The following CTIF variants were observed in gnomAD, a reference collection of about 807,000 sequenced individuals.
The protein encoded by CTIF is CBP80/20-dependent translation initiation factor.
In CTIF, 21 loss-of-function variants were observed where a neutral mutation model predicts 66.0. That is an observed-to-expected ratio of 0.32 (90% CI 0.23 to 0.46). CTIF has a LOEUF of 0.46. CTIF is among the 20% of genes least tolerant of loss of function. The probability of loss-of-function intolerance (pLI) is 1.00; values close to 1 mark genes in which losing one functional copy is unlikely to be tolerated. For synonymous variants in CTIF, 345 were observed against 326.4 expected (o/e 1.06, Z -0.62); for missense variants, 739 against 812.7 (o/e 0.91, Z 1.10).
At chr18:48,561,748 A>G (rs958322916) in intron 1 of CTIF, among the ~76,000 whole-genome samples, 11 of 152,152 alleles carry the variant, frequency 7.2e-5, no homozygotes, top group African/African-American at 2.7e-4. Context: ...TTCCTGGGGC[A>G]CTTGATTTTA....
intron 1 of CTIF, among the ~76,000 whole-genome samples, chr18:48,545,241 C>A (rs1017716326): frequency 3.3e-5 from 5 of 152,152 alleles, no homozygotes; most frequent in South Asian, 2.1e-4. Context: ...AGTGGAGGAG[C>A]TTTGTAAGCC....
At chr18:48,817,006 A>C (rs746397531) in intron 9 of CTIF, among the ~76,000 whole-genome samples, 1 of 152,084 alleles carries the variant, frequency 6.6e-6, no homozygotes, top group African/African-American at 2.4e-5. Flanking sequence ...TGTGTCCCCA[A>C]CCTGGGGACA....
intron 3 of CTIF, chr18:48,662,027 T>G (rs1037009796): frequency 6.6e-6 from 1 of 151,984 alleles, no homozygotes; most frequent in Non-Finnish European, 1.5e-5. Flanking sequence ...CTACAGGAAA[T>G]AGAAGTGAGA....
chr18:48,603,377 G>A (rs1237552056), intron 1 of CTIF, among the ~76,000 whole-genome samples: 1 of 149,550 alleles, frequency 6.7e-6, no homozygotes, highest in African/African-American at 2.5e-5. Flanking sequence ...GTAGATGGAT[G>A]GATGGATGGA....
intron 9 of CTIF, among the ~76,000 whole-genome samples, chr18:48,805,390 G>A (rs1321897405): frequency 6.8e-6 from 1 of 147,588 alleles, no homozygotes; most frequent in Non-Finnish European, 1.5e-5. Flanking sequence ...AGGAGTGAGG[G>A]GGCTTCACTG....
chr18:48,812,716 T>G (rs1256456601), intron 9 of CTIF, among the ~76,000 whole-genome samples: 1 of 144,944 alleles, frequency 6.9e-6, no homozygotes, highest in Non-Finnish European at 1.5e-5. Context: ...ATCGCACCAC[T>G]GCACTGCAGC....
chr18:48,830,026 A>G (rs1022442969), intron 10 of CTIF, among the ~76,000 whole-genome samples: 1 of 152,168 alleles, frequency 6.6e-6, no homozygotes, highest in Non-Finnish European at 1.5e-5. Context: ...GCCTTTTGAG[A>G]AAGAACCTCC....
intron 9 of CTIF, among the ~76,000 whole-genome samples, chr18:48,778,181 A>T (rs1328264308): frequency 6.6e-6 from 1 of 152,186 alleles, no homozygotes; most frequent in East Asian, 1.9e-4. Flanking sequence ...TGTGCACAGC[A>T]TGGGAGCCTG....
chr18:48,723,026 G>T (rs1365703482), intron 7 of CTIF, among the ~76,000 whole-genome samples: 3 of 152,228 alleles, frequency 2.0e-5, no homozygotes, highest in Admixed American at 1.3e-4. Context: ...ACCTTAGGAA[G>T]GAGATGCTAT....
chr18:48,696,858 G>A (rs1023349173), intron 6 of CTIF, among the ~76,000 whole-genome samples: 5 of 152,242 alleles, frequency 3.3e-5, no homozygotes, highest in African/African-American at 9.6e-5. Context: ...TAAGTAGTGG[G>A]CCTAAGCATC....
chr18:48,831,740 T>C (rs573482990), intron 10 of CTIF, among the ~76,000 whole-genome samples: 1 of 152,262 alleles, frequency 6.6e-6, no homozygotes, highest in Non-Finnish European at 1.5e-5. Context: ...AAATTAATTT[T>C]ATGCTGTCTA....
intron 1 of CTIF, among the ~76,000 whole-genome samples, chr18:48,564,307 A>T (rs1014759324): frequency 1.2e-4 from 19 of 152,060 alleles, no homozygotes; most frequent in African/African-American, 4.6e-4. Flanking sequence ...TGGGTGGTGG[A>T]GGGAGCTTCC....
At chr18:48,777,865 A>T (rs1173446711) in intron 9 of CTIF, among the ~76,000 whole-genome samples, 1 of 152,214 alleles carries the variant, frequency 6.6e-6, no homozygotes, top group Non-Finnish European at 1.5e-5. Context: ...CCGCAGCCTC[A>T]TCTGGCCTCA....
At chr18:48,626,715 G>A (rs1201099595) in intron 2 of CTIF, among the ~76,000 whole-genome samples, 5 of 145,596 alleles carry the variant, frequency 3.4e-5, no homozygotes, top group African/African-American at 1.3e-4. Context: ...GAGTGCAATG[G>A]TGTGATCTTG....
At chr18:48,854,336 T>C (rs2069277298) in intron 10 of CTIF, among the ~76,000 whole-genome samples, 1 of 152,080 alleles carries the variant, frequency 6.6e-6, no homozygotes, top group African/African-American at 2.4e-5. Flanking sequence ...GCCCCAAAGA[T>C]ACAAAGTCAT....
chr18:48,599,579 G>A (rs924500374), intron 1 of CTIF, among the ~76,000 whole-genome samples: 5 of 151,778 alleles, frequency 3.3e-5, no homozygotes, highest in African/African-American at 1.2e-4. Context: ...ACAGCCCTTC[G>A]TAAACAATTC....
chr18:48,673,083 G>A (rs1036138679), intron 6 of CTIF, among the ~76,000 whole-genome samples: 1 of 151,922 alleles, frequency 6.6e-6, no homozygotes, highest in African/African-American at 2.4e-5. Context: ...GCATCCACCT[G>A]CCATTTCCCC....
At chr18:48,633,002 C>T (rs2090748425) in intron 2 of CTIF, among the ~76,000 whole-genome samples, 1 of 32,052 alleles carries the variant, frequency 3.1e-5, no homozygotes, top group South Asian at 2.0e-3. Context: ...CGGATGTGCA[C>T]GAAGCCTCAG....
intron 9 of CTIF, among the ~76,000 whole-genome samples, chr18:48,803,776 G>A (rs192799856): frequency 2.6e-5 from 4 of 152,186 alleles, no homozygotes; most frequent in African/African-American, 4.8e-5. Context: ...ATTTGGGGAG[G>A]GGGGGCTCTG....
Sources: allele counts gnomAD v4.1 joint callset (sites outside exome capture counted in the v4.1 genomes callset), GRCh38; gene constraint gnomAD v4.1.1; transcripts MANE v1.5; gene names NCBI Gene and HGNC (gene_info 2026-07-23, HGNC 2026-07-21).